SEMA4A: variants seen among roughly 807,000 people sequenced by gnomAD.
SEMA4A encodes the protein semaphorin 4A.
In SEMA4A, 52 loss-of-function variants were observed where a neutral mutation model predicts 72.5. That is an observed-to-expected ratio of 0.72 (90% CI 0.57 to 0.90). The LOEUF (loss-of-function observed/expected upper bound fraction) is 0.90. Ranked by LOEUF, SEMA4A falls within the 40% of genes least tolerant of loss-of-function variation. The pLI is 0.00. For missense variants in SEMA4A, 926 were observed against 959.7 expected (o/e 0.96, Z 0.46); for synonymous variants, 369 against 393.1 (o/e 0.94, Z 0.73).
intron 7 of SEMA4A, among the ~76,000 whole-genome samples, 155 bp downstream of exon 7, chr1:156,160,714 C>T (rs932318929): frequency 5.9e-5 from 9 of 152,268 alleles, no homozygotes; most frequent in African/African-American, 2.2e-4. Flanking sequence ...TCTCTTGAAG[C>T]TTTCGTCTTA....
At chr1:156,174,748 G>C in intron 11 of SEMA4A, 74 bp from the exon 12 acceptor site, 1 of 1,600,184 alleles carries the variant, frequency 6.2e-7, no homozygotes, top group Non-Finnish European at 8.6e-7. Flanking sequence ...CTTACAGCTG[G>C]GGAGGCCCCC....
At chr1:156,167,127 C>G (rs1238219797) in intron 10 of SEMA4A, among the ~76,000 whole-genome samples, 1 of 151,700 alleles carries the variant, frequency 6.6e-6, no homozygotes, top group Non-Finnish European at 1.5e-5. Context: ...ATCCTCCCAC[C>G]TCAGCCTTTC....
At chr1:156,158,676 G>A in intron 5 of SEMA4A, 43 bp from the exon 6 acceptor site, 2 of 1,510,668 alleles carry the variant, frequency 1.3e-6, no homozygotes, top group Non-Finnish European at 1.8e-6. Context: ...TCCCAGATGT[G>A]AGACCTTGGC....
chr1:156,161,011 G>A lies in SEMA4A; in HGVS notation c.792G>A (p.Arg264=), dbSNP rs1253262563. The change falls in exon 8 of 15, where the codon CGG becomes CGA. Residue 264 remains arginine (R), a synonymous_variant. Transcript: ENST00000368285. The part of the protein sequence containing the change: ...FDFFERLHTS[R]VARVCKNDVG... ...TCTTTGAGAGGCTCCACACATCGCG[G>A]GTGGCTAGAGTCTGCAAGGTCCGCG... 4 of 1,611,202 alleles carry A rather than the reference G, an allele frequency of 2.5e-6. No individual in the cohort carries two copies. In the African/African-American group the frequency reaches 5.4e-5, roughly 22 times the overall value.
intron 8 of SEMA4A, 151 bp from the exon 9 acceptor site, chr1:156,161,194 CG>C (rs1653596775): frequency 3.1e-6 from 1 of 326,264 alleles, no homozygotes; most frequent in Non-Finnish European, 5.2e-6. Context: ...GCGGGTGGGG[CG>C]GGGGACAAGC....
chr1:156,160,453 C>T lies in SEMA4A; in HGVS notation c.579C>T (p.Leu193=), dbSNP rs1009009521. The T allele has an allele frequency of 6.2e-7, 1 of 1,613,458 alleles. No individual in the cohort carries two copies. Among genetic ancestry groups the T allele is most frequent in the Admixed American group, 1.7e-5 (1 of 59,974 alleles). ...TCTCCTCCACCCTAGATGGGATGCT[C>T]TATTCTGGTACTATGAACAACTTCC... The part of the protein sequence containing the change: ...KHTAVLVDGM[L]YSGTMNNFLG... The change falls in exon 7 of 15, where the codon CTC becomes CTT. Residue 193 remains leucine, a synonymous_variant. Transcript: ENST00000368285.
intron 8 of SEMA4A, 109 bp downstream of exon 8, chr1:156,161,138 G>A (rs1653584460): frequency 1.9e-6 from 2 of 1,071,888 alleles, no homozygotes; most frequent in Non-Finnish European, 2.7e-6. Flanking sequence ...AGCGGGGCGG[G>A]GAACAAGCGG....
intron 8 of SEMA4A, 69 bp downstream of exon 8, chr1:156,161,098 T>G: frequency 1.3e-6 from 2 of 1,522,002 alleles, no homozygotes; most frequent in Non-Finnish European, 1.8e-6. Flanking sequence ...GGGGCAGGAC[T>G]GAGTGGTGGG....
Position 156,176,470 on chromosome 1 carries a change from G to T in SEMA4A, c.1759G>T (p.Ala587Ser). ...ELPCPHLSALASYYWSHGPAA... is the reference protein window; with the variant it reads ...ELPCPHLSALSSYYWSHGPAA... ...CCCCTGCCCCCACCTGTCAGCCTTG[G>T]CCTCTTATTATTGGAGTCATGGCCC... Residue 587 changes from alanine (A) to serine (S), a missense_variant, in exon 15 of 15, where the codon GCC becomes TCC. By Grantham distance (99) the Ala-to-Ser change is moderately conservative. Coordinates refer to ENST00000368285, the MANE Select transcript of SEMA4A (RefSeq NM_022367.4). 1 of 1,614,074 alleles carries T rather than the reference G, an allele frequency of 6.2e-7. No homozygotes were observed. Among genetic ancestry groups the T allele is most frequent in the Non-Finnish European group, 8.5e-7 (1 of 1,180,016 alleles).
At chr1:156,162,461 C>T (rs530651458) in intron 9 of SEMA4A, among the ~76,000 whole-genome samples, 1 of 152,324 alleles carries the variant, frequency 6.6e-6, no homozygotes, top group South Asian at 2.1e-4. Flanking sequence ...CAGTAGTCAG[C>T]TTCAAGAGAG....
chr1:156,176,321 G>A, intron 14 of SEMA4A, 84 bp from the exon 15 acceptor site: 1 of 1,063,548 alleles, frequency 9.4e-7, no homozygotes, highest in Non-Finnish European at 1.4e-6. Context: ...AGAGGGCTGG[G>A]GTCCAAAGAT....
intron 10 of SEMA4A, among the ~76,000 whole-genome samples, chr1:156,168,379 G>A (rs1265844841): frequency 2.0e-5 from 3 of 151,512 alleles, no homozygotes; most frequent in Non-Finnish European, 2.9e-5. Flanking sequence ...CCACCACCAC[G>A]CCCAGCTAAT....
At chr1:156,148,751 C>T (rs575330917), upstream of SEMA4A, among the ~76,000 whole-genome samples, 1 of 152,120 alleles carries the variant, frequency 6.6e-6, no homozygotes, top group Admixed American at 6.5e-5. Flanking sequence ...CTTTTCTAGT[C>T]CCCTGCCAGC....
intron 7 of SEMA4A, 141 bp downstream of exon 7, chr1:156,160,700 C>T (rs1653508741): frequency 1.9e-6 from 2 of 1,040,122 alleles, no homozygotes; most frequent in Non-Finnish European, 2.9e-6. Context: ...GGCAAAGCTC[C>T]GGTTCTCTTG....
At chr1:156,158,247 T>C in intron 4 of SEMA4A, 115 bp downstream of exon 4, 1 of 1,298,330 alleles carries the variant, frequency 7.7e-7, no homozygotes, top group Non-Finnish European at 1.1e-6. Context: ...TGCACGGTTA[T>C]CTCCTGGATT....
At chr1:156,152,832 G>A (rs1228492493), upstream of SEMA4A, among the ~76,000 whole-genome samples, 1 of 152,176 alleles carries the variant, frequency 6.6e-6, no homozygotes, top group Non-Finnish European at 1.5e-5. Context: ...ATTAGCCCTG[G>A]GATGTCTGTG....
At position 156,157,017 on chromosome 1, in the gene SEMA4A, C is replaced by A. The variant is rs930562640; in HGVS notation, c.300+443C>A. On this transcript the variant is annotated intron_variant, in intron 3 of 14. Coordinates refer to ENST00000368285, the MANE Select transcript of SEMA4A (RefSeq NM_022367.4). This position sits in a 1 kb window ranked among gnomAD's most constrained non-coding sequence, Gnocchi z 4.5. The stretch of plus-strand genomic sequence containing the variant: ...AAAGAGTTGGGATTACAGGCGTGAG[C>A]CACCGCACCCGGCCTGTGACTTCAC... Among the ~76,000 whole-genome samples, 2 of 152,082 alleles carry A rather than the reference C, an allele frequency of 1.3e-5. No homozygotes were observed. The highest frequency in any genetic ancestry group is 2.9e-5 in the Non-Finnish European group (2 of 67,982).
intron 3 of SEMA4A, 59 bp downstream of exon 3, chr1:156,156,633 C>A: frequency 2.9e-5 from 45 of 1,576,132 alleles, no homozygotes; most frequent in Non-Finnish European, 3.9e-5. Context: ...CGGCAGCTAC[C>A]CTGGGCTTGG....
chr1:156,161,095 G>T, intron 8 of SEMA4A, 66 bp downstream of exon 8: 1 of 1,574,558 alleles, frequency 6.4e-7, no homozygotes, highest in Non-Finnish European at 8.6e-7. Context: ...GCAGGGGCAG[G>T]ACTGAGTGGT....
Sources: gnomAD v4.1 joint callset for allele counts (sites outside exome capture counted in the v4.1 genomes callset) on GRCh38, gnomAD v4.1.1 for gene constraint, Gnocchi (gnomAD v3.1) non-coding constraint, MANE v1.5 for transcripts, NCBI Gene and HGNC (gene_info 2026-07-23, HGNC 2026-07-21) for gene names.